Variants in PCDHA13 observed in about 807,000 individuals in gnomAD.
PCDHA13 encodes protocadherin alpha 13, also known as protocadherin alpha-13.
In PCDHA13, 54 loss-of-function variants were observed where a neutral mutation model predicts 64.8. The ratio of observed to expected loss-of-function variants is 0.83; its 90% confidence interval spans 0.67 to 1.04. The LOEUF is 1.04. Among genes scored for constraint, PCDHA13 ranks in the 50% least tolerant of loss-of-function variants. The pLI is 0.00. For synonymous variants in PCDHA13, 587 were observed against 564.4 expected, an observed-to-expected ratio of 1.04 and a Z score of -0.57; for missense variants, 1,248 against 1,254.3, an observed-to-expected ratio of 0.99 and a Z score of 0.08.
chr5:140,934,528 G>T (rs782284913), intron 1 of PCDHA13, among the ~76,000 whole-genome samples: 26 of 152,112 alleles, frequency 1.7e-4, no homozygotes, highest in Non-Finnish European at 2.2e-4. Flanking sequence ...CACTTCGAGA[G>T]CTACCGTTCT....
intron 1 of PCDHA13, chr5:140,927,527 C>A (rs1554204693): frequency 6.2e-7 from 1 of 1,614,084 alleles, no homozygotes. Flanking sequence ...GGGCTACCTG[C>A]CCGCTCAGGA....
chr5:140,968,257 T>C (rs781932747), intron 1 of PCDHA13: 2 of 1,613,946 alleles, frequency 1.2e-6, no homozygotes, highest in East Asian at 2.2e-5. Context: ...CAGACCCAGA[T>C]GAAAAGGAGA....
rs2098416866 is a variant in PCDHA13, at chr5:141,010,297, G to C, written c.*360G>C. 3 of 1,549,050 alleles carry C rather than the reference G, an allele frequency of 1.9e-6. No individual in the cohort carries two copies. The South Asian group carries it at 3.6e-5, about 19-fold the overall frequency. On this transcript the variant is annotated 3_prime_UTR_variant, in exon 4 of 4. Transcript: ENST00000289272. ...TGTCTTGATGACACTTGCAGGGCAGGCTGAAAAGTTTTGAGATTGAGCAGC... is the reference window on the plus strand; with the variant it reads ...TGTCTTGATGACACTTGCAGGGCAGCCTGAAAAGTTTTGAGATTGAGCAGC...
intron 1 of PCDHA13, among the ~76,000 whole-genome samples, chr5:140,936,053 C>T (rs576745037): frequency 1.2e-4 from 18 of 152,052 alleles, no homozygotes; most frequent in Middle Eastern, 3.4e-3. Flanking sequence ...CCACCACACC[C>T]GGCTAATTTT....
At chr5:140,966,505 A>C (rs2096011889) in intron 1 of PCDHA13, 2 of 427,984 alleles carry the variant, frequency 4.7e-6, no homozygotes, top group Non-Finnish European at 8.1e-6. Context: ...CTGTAGCGGC[A>C]GCAGCAGCAG....
In PCDHA13 at chr5:140,882,697, A is replaced by G. The variant is rs145968658; in HGVS notation, c.429A>G (p.Ala143=). 60 of 1,614,238 alleles carry G rather than the reference A, an allele frequency of 3.7e-5. No homozygotes were observed. The African/African-American group carries it at 6.5e-4, about 18-fold the overall frequency. Residue 143 remains alanine (A), a synonymous_variant, in exon 1 of 4, where the codon GCA becomes GCG. Transcript: ENST00000289272. ...FPESKKRIII[A]ESRPPETRFP... ...AAAGCAAGAAACGAATAATCATTGC[A>G]GAATCTAGACCTCCGGAAACTCGAT...
rs2060245016 is a variant in PCDHA13 at position 140,884,536 on chromosome 5, G to C, written c.2268G>C (p.Pro756=). 5 of 1,614,090 alleles carry C rather than the reference G, an allele frequency of 3.1e-6. No individual in the cohort carries two copies. In the East Asian group the frequency reaches 1.1e-4, roughly 36 times the overall value. ...GSWSYSQQRR[P]RVCSGEGPHK... ...GGTCGTACTCGCAGCAGAGGCGGCC[G>C]AGGGTGTGCTCTGGGGAGGGCCCGC... The change falls in exon 1 of 4, where the codon CCG becomes CCC. Residue 756 remains proline (P), a synonymous_variant. Transcript: ENST00000289272.
At chr5:140,896,309 A>T (rs1554186897) in intron 1 of PCDHA13, among the ~76,000 whole-genome samples, 1 of 152,184 alleles carries the variant, frequency 6.6e-6, no homozygotes. Flanking sequence ...AAATCTTCAA[A>T]CTGCTTTCCA....
chr5:140,976,505 C>A (rs538128648), intron 1 of PCDHA13, among the ~76,000 whole-genome samples: 1 of 152,004 alleles, frequency 6.6e-6, no homozygotes, highest in Non-Finnish European at 1.5e-5. Flanking sequence ...GAGCCAAGAT[C>A]GCGCCACTGC....
chr5:140,933,159 A>G (rs565076666), intron 1 of PCDHA13, among the ~76,000 whole-genome samples: 67 of 152,098 alleles, frequency 4.4e-4, no homozygotes, highest in African/African-American at 1.3e-3. Flanking sequence ...TTTGTTCCCA[A>G]TTTTAATTGA....
chr5:140,994,608 G>A (rs1231327885), intron 3 of PCDHA13, among the ~76,000 whole-genome samples: 1 of 152,098 alleles, frequency 6.6e-6, no homozygotes, highest in African/African-American at 2.4e-5. Context: ...GGGAGGCTGA[G>A]GCACGAGAGT....
chr5:140,927,363 GAT>G (rs1188531316), intron 1 of PCDHA13: 33 of 1,613,946 alleles, frequency 2.0e-5, no homozygotes, highest in Non-Finnish European at 2.7e-5. Context: ...GAAGCAATGG[GAT>G]ACTAAGCTAC....
chr5:140,969,393 C>T, intron 1 of PCDHA13: 1 of 1,590,146 alleles, frequency 6.3e-7, no homozygotes. Flanking sequence ...CCCCCAATAT[C>T]CTGTGATTTG....
intron 1 of PCDHA13, among the ~76,000 whole-genome samples, chr5:140,954,810 A>C (rs1169811573): frequency 6.6e-6 from 1 of 151,948 alleles, no homozygotes; most frequent in Non-Finnish European, 1.5e-5. Context: ...CTTTTGTTGA[A>C]ATTGCTTTAG....
At chr5:140,895,092 G>A (rs2064837860) in intron 1 of PCDHA13, among the ~76,000 whole-genome samples, 1 of 152,090 alleles carries the variant, frequency 6.6e-6, no homozygotes, top group Admixed American at 6.5e-5. Flanking sequence ...CCTCAGTATA[G>A]GGGTTTTTGC....
chr5:141,000,782 C>T (rs149032263), intron 3 of PCDHA13, among the ~76,000 whole-genome samples: 174 of 152,002 alleles, frequency 1.1e-3, no homozygotes, highest in African/African-American at 3.9e-3. Flanking sequence ...TGGCGCACAC[C>T]TGTATTCCTA....
chr5:140,889,120 T>G (rs1335268200), intron 1 of PCDHA13, among the ~76,000 whole-genome samples: 1 of 151,966 alleles, frequency 6.6e-6, no homozygotes, highest in Non-Finnish European at 1.5e-5. Context: ...CAGGTGATAC[T>G]GATATGTCCT....
chr5:140,999,600 TG>T (rs1213821435), intron 3 of PCDHA13, among the ~76,000 whole-genome samples: 3 of 152,150 alleles, frequency 2.0e-5, no homozygotes. Context: ...CCCTACATCC[TG>T]GGGGACCTTA....
At chr5:141,007,030 A>G (rs1554261014) in intron 3 of PCDHA13, among the ~76,000 whole-genome samples, 1 of 152,186 alleles carries the variant, frequency 6.6e-6, no homozygotes, top group African/African-American at 2.4e-5. Flanking sequence ...TATGGTATTT[A>G]TATCTATGGA....
Sources: gnomAD v4.1 joint callset for allele counts (sites outside exome capture counted in the v4.1 genomes callset) on GRCh38, gnomAD v4.1.1 for gene constraint, MANE v1.5 for transcripts, NCBI Gene and HGNC (gene_info 2026-07-23, HGNC 2026-07-21) for gene names.